Variants in SULT4A1 observed in about 807,000 individuals in gnomAD.
The protein encoded by SULT4A1 is sulfotransferase family 4A member 1, also known as sulfotransferase 4A1.
A neutral mutation model predicts 35.2 loss-of-function variants in SULT4A1; 11 were observed. The observed-to-expected ratio is 0.31, with a 90% confidence interval of 0.20 to 0.52. The LOEUF (loss-of-function observed/expected upper bound fraction) is 0.52. SULT4A1 is among the 20% of genes least tolerant of loss of function. SULT4A1 has a pLI of 0.97. For missense variants in SULT4A1, 271 were observed against 383.7 expected (o/e 0.71, Z 2.45); for synonymous variants, 152 against 151.8 (o/e 1.00, Z -0.01).
Position 43,862,285 on chromosome 22 carries a change from C to G in SULT4A1, c.98G>C (p.Gly33Ala). 1.3e-6 allele frequency: 2 copies of G among 1,572,706 alleles called. No homozygotes were observed. Among genetic ancestry groups the G allele is most frequent in the Non-Finnish European group, 1.7e-6 (2 of 1,158,616 alleles). Residue 33 changes from glycine to alanine, a missense_variant, in exon 1 of 7, where the codon GGG becomes GCG. Gly to Ala is a moderately conservative substitution (Grantham distance 60, BLOSUM62 0). Around this residue, in one of 3 missense-constraint regions of SULT4A1, gnomAD observed 164 missense variants for 254.1 expected, o/e 0.65. Coordinates refer to ENST00000330884, the MANE Select transcript of SULT4A1 (RefSeq NM_014351.4). ...HGVRLPPFCR[G>A]KMEEIANFPV... ...GAAGTTGGCGATCTCCTCCATCTTC[C>G]CGCGGCAGAAGGGCGGCAGCCGCAC... is the stretch of plus-strand genomic sequence containing the variant.
intron 1 of SULT4A1, among the ~76,000 whole-genome samples, chr22:43,846,104 T>C (rs2063474819): frequency 6.6e-6 from 1 of 152,166 alleles, no homozygotes; most frequent in Admixed American, 6.5e-5. Context: ...GCCTTCACCA[T>C]GTTCCACTCC....
At chr22:43,859,101 T>A (rs1315742277) in intron 1 of SULT4A1, among the ~76,000 whole-genome samples, 2 of 152,184 alleles carry the variant, frequency 1.3e-5, no homozygotes, top group African/African-American at 2.4e-5. Context: ...CCAGCCCTTC[T>A]GAAACCTGTC....
At chr22:43,847,898 A>T (rs2063486857) in intron 1 of SULT4A1, among the ~76,000 whole-genome samples, 1 of 152,234 alleles carries the variant, frequency 6.6e-6, no homozygotes, top group African/African-American at 2.4e-5. Context: ...GTGGTGCCTT[A>T]AAACAAAAGA....
intron 1 of SULT4A1, among the ~76,000 whole-genome samples, chr22:43,855,816 G>A (rs1180404744): frequency 6.6e-6 from 1 of 152,162 alleles, no homozygotes; most frequent in Non-Finnish European, 1.5e-5. Context: ...AACAGGGAGA[G>A]GTCAGATAAA....
chr22:43,862,502 C>A lies in SULT4A1; in HGVS notation c.-120G>T. ...CCCCACCGGCGCGCGGCGGCAGCTC[C>A]GCAGGCGTGACGTCATGGCGCCGCC... On this transcript the variant is annotated 5_prime_UTR_variant, in exon 1 of 7. Coordinates refer to ENST00000330884, the MANE Select transcript of SULT4A1 (RefSeq NM_014351.4). 1 of 920,796 alleles carries A rather than the reference C, an allele frequency of 1.1e-6. No individual in the cohort carries two copies. The highest frequency in any genetic ancestry group is 4.9e-5 in the South Asian group (1 of 20,610). 57.0% of individuals were successfully genotyped at this position (920,796 alleles called of 1,614,324 possible).
chr22:43,846,777 C>T (rs923622034), intron 1 of SULT4A1, among the ~76,000 whole-genome samples: 26 of 152,240 alleles, frequency 1.7e-4, no homozygotes, highest in Admixed American at 1.3e-4. Flanking sequence ...GGACCATCCA[C>T]CCAGCAGCTC....
At chr22:43,858,385 T>G (rs2049427415) in intron 1 of SULT4A1, among the ~76,000 whole-genome samples, 1 of 152,146 alleles carries the variant, frequency 6.6e-6, no homozygotes, top group Non-Finnish European at 1.5e-5. Context: ...GGGAGAAACG[T>G]GACCCCCGCA....
intron 4 of SULT4A1, among the ~76,000 whole-genome samples, chr22:43,836,480 G>A (rs534483948): frequency 1.9e-3 from 273 of 140,544 alleles, no homozygotes; most frequent in Non-Finnish European, 2.7e-3. Context: ...TGTCTACACA[G>A]CGTCCTCCAA....
chr22:43,860,603 C>T (rs773199922), intron 1 of SULT4A1, among the ~76,000 whole-genome samples: 4 of 152,130 alleles, frequency 2.6e-5, no homozygotes, highest in Admixed American at 2.0e-4. Context: ...CTTCCAACTC[C>T]GAAGCCAGGT....
chr22:43,844,134 G>A (rs1314470733), intron 1 of SULT4A1, among the ~76,000 whole-genome samples: 1 of 152,212 alleles, frequency 6.6e-6, no homozygotes, highest in Non-Finnish European at 1.5e-5. Context: ...GTTGACTCTT[G>A]TGTGAGAGCA....
chr22:43,852,511 G>C (rs1264256398), intron 1 of SULT4A1, among the ~76,000 whole-genome samples: 2 of 151,920 alleles, frequency 1.3e-5, no homozygotes, highest in Non-Finnish European at 1.5e-5. Flanking sequence ...AACCCATCAG[G>C]GCCAGGCAAC....
At chr22:43,829,930 A>G (rs779365122) in intron 5 of SULT4A1, among the ~76,000 whole-genome samples, 3 of 152,248 alleles carry the variant, frequency 2.0e-5, no homozygotes, top group Non-Finnish European at 4.4e-5. Context: ...AAGCCTCTAA[A>G]AAGTCCTACA....
chr22:43,831,377 CAGTG>C (rs1173194841), intron 5 of SULT4A1, among the ~76,000 whole-genome samples: 6 of 151,370 alleles, frequency 4.0e-5, no homozygotes, highest in Non-Finnish European at 7.4e-5. Context: ...TGGCCCTGGG[CAGTG>C]CATGTTCAAT....
At position 43,836,237 on chromosome 22, in the gene SULT4A1, A is replaced by G. The variant is rs1225269243; in HGVS notation, c.509-2503T>C. 2.5e-4 allele frequency among the ~76,000 whole-genome samples: 26 copies of G among 105,724 alleles called. 1 individual carries two copies. Among genetic ancestry groups the G allele is most frequent in the African/African-American group, 3.8e-4 (9 of 23,774 alleles). The allele number at this position is 105,724 out of a possible 152,430, so 69.4% of individuals were successfully genotyped here. On this transcript the variant is annotated intron_variant, in intron 4 of 6. Coordinates refer to ENST00000330884, the MANE Select transcript of SULT4A1 (RefSeq NM_014351.4). ...GGACCCTGTCCACACAGCGTCCTCC[A>G]ACTGCAGGTGCCACAGGGAGCCTGT...
At chr22:43,860,575 C>G (rs1213666703) in intron 1 of SULT4A1, among the ~76,000 whole-genome samples, 1 of 152,174 alleles carries the variant, frequency 6.6e-6, no homozygotes, top group African/African-American at 2.4e-5. Context: ...AGCCGCAAAA[C>G]TGCATTCAAA....
chr22:43,852,992 T>C (rs2049358831), intron 1 of SULT4A1, among the ~76,000 whole-genome samples: 1 of 151,780 alleles, frequency 6.6e-6, no homozygotes, highest in Non-Finnish European at 1.5e-5. Context: ...AAACTTTCGC[T>C]CCAGAACCAG....
chr22:43,859,007 G>A (rs2049435460), intron 1 of SULT4A1, among the ~76,000 whole-genome samples: 2 of 152,014 alleles, frequency 1.3e-5, no homozygotes, highest in South Asian at 4.1e-4. Context: ...CAGCCACCCT[G>A]GCTTGTCAGT....
Position 43,833,716 on chromosome 22 carries a change from A to G in SULT4A1, c.527T>C (p.Phe176Ser). The change falls in exon 5 of 7, where the codon TTT (phenylalanine) becomes TCT (serine). Residue 176 changes from phenylalanine to serine, a missense_variant. This residue lies in a region of SULT4A1 where 164 missense variants were observed against 254.1 expected (regional missense o/e 0.65). Coordinates refer to ENST00000330884, the MANE Select transcript of SULT4A1 (RefSeq NM_014351.4). ...CTCCCAGAACTCCTGCACGTGCTCAAACCAGGAGCCGTAGCCCACTGCGGA... is the reference window on the plus strand; with the variant it reads ...CTCCCAGAACTCCTGCACGTGCTCAGACCAGGAGCCGTAGCCCACTGCGGA... ...MNDKLGYGSW[F>S]EHVQEFWEHR... The G allele has an allele frequency of 6.3e-7, 1 of 1,574,854 alleles. No individual in the cohort carries two copies. Among genetic ancestry groups the G allele is most frequent in the Non-Finnish European group, 8.6e-7 (1 of 1,159,600 alleles).
intron 1 of SULT4A1, among the ~76,000 whole-genome samples, chr22:43,854,418 GCA>G (rs1288510292): frequency 4.6e-5 from 7 of 152,324 alleles, no homozygotes; most frequent in Admixed American, 2.0e-4. Context: ...TAGTCAATCT[GCA>G]CACACGGGGG....
Sources: allele counts gnomAD v4.1 joint callset (sites outside exome capture counted in the v4.1 genomes callset), GRCh38; gene constraint gnomAD v4.1.1; regional missense constraint gnomAD v4.1.1; transcripts MANE v1.5; gene names NCBI Gene and HGNC (gene_info 2026-07-23, HGNC 2026-07-21).